CACNA2D3: variants seen among roughly 807,000 people sequenced by gnomAD.
CACNA2D3 encodes the protein voltage-dependent calcium channel subunit alpha-2/delta-3.
In CACNA2D3, 60 loss-of-function variants were observed where a neutral mutation model predicts 160.6. That is an observed-to-expected ratio of 0.37 (90% CI 0.30 to 0.46). CACNA2D3 has a LOEUF of 0.46. CACNA2D3 is among the 20% of genes least tolerant of loss of function. The probability of loss-of-function intolerance (pLI) is 1.00; values close to 1 mark genes in which losing one functional copy is unlikely to be tolerated. For synonymous variants in CACNA2D3, 558 were observed against 492.9 expected (o/e 1.13, Z -1.75); for missense variants, 1,205 against 1,365.0 (o/e 0.88, Z 1.85).
chr3:54,521,708 G>A (rs1429363417), intron 5 of CACNA2D3, among the ~76,000 whole-genome samples: 1 of 152,066 alleles, frequency 6.6e-6, no homozygotes, highest in Non-Finnish European at 1.5e-5. Context: ...TGCTCTATTT[G>A]AGTTTTTTGT....
chr3:54,805,251 A>G (rs1328780204), intron 13 of CACNA2D3, among the ~76,000 whole-genome samples: 4 of 152,238 alleles, frequency 2.6e-5, no homozygotes, highest in African/African-American at 7.2e-5. Context: ...CAAAAAATTA[A>G]TGAATCCAGG....
intron 27 of CACNA2D3, chr3:54,918,671 T>A: frequency 6.2e-7 from 1 of 1,614,174 alleles, no homozygotes; most frequent in African/African-American, 1.3e-5. Flanking sequence ...GGCCTTGGCT[T>A]GGGTTTGAGC....
At chr3:54,504,824 T>C (rs940984988) in intron 5 of CACNA2D3, among the ~76,000 whole-genome samples, 1 of 152,132 alleles carries the variant, frequency 6.6e-6, no homozygotes, top group Non-Finnish European at 1.5e-5. Context: ...GTTTCCCTAT[T>C]TGTGAAATAG....
At chr3:54,502,153 C>G (rs117852449) in intron 4 of CACNA2D3, among the ~76,000 whole-genome samples, 3,111 of 152,254 alleles carry the variant, frequency 0.02, 84 homozygotes, top group East Asian at 0.11. Flanking sequence ...CTCTCAACTT[C>G]CTTGATCTGT....
intron 34 of CACNA2D3, among the ~76,000 whole-genome samples, chr3:55,015,919 G>C (rs931048940): frequency 2.0e-5 from 3 of 152,224 alleles, no homozygotes; most frequent in African/African-American, 7.2e-5. Context: ...TGTTGTTACT[G>C]TTGGGCCTGG....
At chr3:54,595,619 C>T (rs940544460) in intron 9 of CACNA2D3, among the ~76,000 whole-genome samples, 4 of 152,130 alleles carry the variant, frequency 2.6e-5, no homozygotes, top group African/African-American at 9.7e-5. Context: ...ACCCATGCGT[C>T]ACCTGAGCAT....
At chr3:54,790,394 A>G (rs888648333) in intron 13 of CACNA2D3, among the ~76,000 whole-genome samples, 3 of 152,332 alleles carry the variant, frequency 2.0e-5, no homozygotes, top group South Asian at 4.1e-4. Context: ...TTTAGCATCC[A>G]TGTGAAAAGG....
At chr3:54,176,999 A>G (rs1359071267) in intron 2 of CACNA2D3, among the ~76,000 whole-genome samples, 2 of 152,156 alleles carry the variant, frequency 1.3e-5, no homozygotes, top group Admixed American at 1.3e-4. Flanking sequence ...CTTCTTTGCA[A>G]CTTGGGGATG....
At chr3:54,854,184 T>C (rs1240879293) in intron 17 of CACNA2D3, among the ~76,000 whole-genome samples, 1 of 152,170 alleles carries the variant, frequency 6.6e-6, no homozygotes, top group Non-Finnish European at 1.5e-5. Flanking sequence ...GAGCGTTCTC[T>C]GAGAAAAAAT....
intron 13 of CACNA2D3, among the ~76,000 whole-genome samples, chr3:54,798,426 C>A (rs1458924334): frequency 1.3e-5 from 2 of 152,088 alleles, no homozygotes; most frequent in Non-Finnish European, 2.9e-5. Flanking sequence ...GTCCCAGCTA[C>A]TCAGGAGGCT....
At chr3:54,147,442 A>G (rs759473134) in intron 2 of CACNA2D3, among the ~76,000 whole-genome samples, 1 of 152,276 alleles carries the variant, frequency 6.6e-6, no homozygotes, top group East Asian at 1.9e-4. Flanking sequence ...AGGAGGGACC[A>G]AAACAGACTC....
chr3:54,279,206 TGCACAAGTCCAA>T (rs1284968450), intron 2 of CACNA2D3, among the ~76,000 whole-genome samples: 2 of 152,188 alleles, frequency 1.3e-5, no homozygotes, highest in African/African-American at 4.8e-5. Flanking sequence ...ATGAGTGGAA[TGCACAAGTCCAA>T]GCAGGGGTGA....
intron 11 of CACNA2D3, among the ~76,000 whole-genome samples, chr3:54,748,076 C>T (rs1250127539): frequency 1.3e-5 from 2 of 152,190 alleles, no homozygotes; most frequent in African/African-American, 4.8e-5. Flanking sequence ...AGTAGTCACT[C>T]ATGAGTTACA....
At chr3:54,854,347 C>T (rs186564642) in intron 17 of CACNA2D3, among the ~76,000 whole-genome samples, 3 of 152,250 alleles carry the variant, frequency 2.0e-5, no homozygotes, top group East Asian at 1.9e-4. Context: ...GGTCTGGGCA[C>T]GAGTGGACAG....
intron 4 of CACNA2D3, among the ~76,000 whole-genome samples, chr3:54,434,815 TA>T (rs960044919): frequency 6.6e-6 from 1 of 152,218 alleles, no homozygotes; most frequent in African/African-American, 2.4e-5. Flanking sequence ...AAAGAAAGTT[TA>T]AGCTATTCTA....
chr3:54,352,322 C>G (rs1415992181), intron 3 of CACNA2D3, among the ~76,000 whole-genome samples: 1 of 152,154 alleles, frequency 6.6e-6, no homozygotes, highest in East Asian at 1.9e-4. Context: ...TCCTAGGGTA[C>G]TGGTACAGTT....
chr3:54,248,048 C>G (rs1314108758), intron 2 of CACNA2D3, among the ~76,000 whole-genome samples: 1 of 152,196 alleles, frequency 6.6e-6, no homozygotes, highest in Non-Finnish European at 1.5e-5. Flanking sequence ...GGGAATGTTA[C>G]TGTAAGCTGT....
intron 27 of CACNA2D3, among the ~76,000 whole-genome samples, chr3:54,958,372 G>A (rs952050361): frequency 1.2e-4 from 18 of 151,862 alleles, no homozygotes; most frequent in Middle Eastern, 3.4e-3. Context: ...CAGCCTGGGC[G>A]ACAGAGCAAG....
chr3:54,918,351 T>G, intron 27 of CACNA2D3: 34 of 434,972 alleles, frequency 7.8e-5, no homozygotes, highest in Middle Eastern at 8.4e-4. Context: ...TTTTTTTTTT[T>G]TTTTGTCTTT....
Sources: gnomAD v4.1 joint callset for allele counts (sites outside exome capture counted in the v4.1 genomes callset) on GRCh38, gnomAD v4.1.1 for gene constraint, MANE v1.5 for transcripts, NCBI Gene and HGNC (gene_info 2026-07-23, HGNC 2026-07-21) for gene names.